The following AHR variants were observed in gnomAD, a reference collection of about 807,000 sequenced individuals.
The protein encoded by AHR is AH-receptor.
AHR carries 40 observed loss-of-function variants against 86.8 expected under a neutral mutation model. That is an observed-to-expected ratio of 0.46 (90% CI 0.36 to 0.60). The LOEUF (loss-of-function observed/expected upper bound fraction) is 0.60, where lower values mean the gene tolerates loss of function less well. Among genes scored for constraint, AHR ranks in the 20% least tolerant of loss-of-function variants. AHR has a pLI of 0.00. For synonymous variants in AHR, 398 were observed against 354.9 expected (o/e 1.12, Z -1.37); for missense variants, 1,001 against 1,011.6 (o/e 0.99, Z 0.14).
At chr7:17,303,556 T>A (rs1430938463) in intron 1 of AHR, among the ~76,000 whole-genome samples, 1 of 152,128 alleles carries the variant, frequency 6.6e-6, no homozygotes, top group Non-Finnish European at 1.5e-5. Context: ...TCTTATTGAT[T>A]TGCTACCCAC....
rs1451960213 is a variant in AHR at position 17,340,127 on chromosome 7, G to T, written c.2302G>T (p.Ala768Ser). ...IITPQTCYAG[A>S]VSMYQCQPEP... ...AACTCCTCAGACATGTTATGCTGGG[G>T]CCGTGTCGATGTATCAGTGCCAGCC... The change falls in exon 10 of 11, where the codon GCC (alanine) becomes TCC (serine). Residue 768 changes from alanine (A) to serine (S), a missense_variant. By Grantham distance (99) the Ala-to-Ser change is moderately conservative (BLOSUM62 1). Transcript: ENST00000242057. 11 of 1,614,002 alleles carry T rather than the reference G, an allele frequency of 6.8e-6. No homozygotes were observed. The highest frequency in any genetic ancestry group is 1.3e-5 in the African/African-American group (1 of 74,886).
chr7:17,311,980 A>G (rs1782069713), intron 2 of AHR, among the ~76,000 whole-genome samples: 1 of 152,182 alleles, frequency 6.6e-6, no homozygotes, highest in Non-Finnish European at 1.5e-5. Flanking sequence ...CATCAGCATC[A>G]CCTGGGAACT....
chr7:17,338,868 G>T, intron 9 of AHR, 118 bp from the exon 10 acceptor site: 2 of 996,548 alleles, frequency 2.0e-6, no homozygotes, highest in South Asian at 4.5e-5. Context: ...AATAAAATAT[G>T]TCCCTTTCTG....
At chr7:17,299,562 C>T (rs1342698069) in intron 1 of AHR, among the ~76,000 whole-genome samples, 3 of 152,242 alleles carry the variant, frequency 2.0e-5, no homozygotes, top group Admixed American at 6.5e-5. Flanking sequence ...TTCCCCCGCA[C>T]CAGTGCATAC....
rs969820594 is a variant in AHR, at chr7:17,298,900, A to T, written c.-365A>T. 5 of 404,148 alleles carry T rather than the reference A, an allele frequency of 1.2e-5. No individual in the cohort carries two copies. Among genetic ancestry groups the T allele is most frequent in the African/African-American group, 1.0e-4 (5 of 48,262 alleles). 25.0% of individuals were successfully genotyped at this position (404,148 alleles called of 1,614,324 possible). The stretch of plus-strand genomic sequence containing the variant: ...GGCGCCACCGTGAGCGACCCAGGCC[A>T]GGATTCTAAATAGACGGCCCAGGCT... On this transcript the variant is annotated 5_prime_UTR_variant, in exon 1 of 11. Transcript: ENST00000242057.
At chr7:17,305,635 C>T (rs1781997887) in intron 1 of AHR, among the ~76,000 whole-genome samples, 1 of 152,010 alleles carries the variant, frequency 6.6e-6, no homozygotes, top group Admixed American at 6.6e-5. Flanking sequence ...AGGAAAAATC[C>T]GATAGAGCAA....
intron 3 of AHR, among the ~76,000 whole-genome samples, chr7:17,325,330 A>T (rs1210928188): frequency 6.6e-6 from 1 of 152,204 alleles, no homozygotes; most frequent in East Asian, 1.9e-4. Context: ...TCTGGCATGT[A>T]CACCAATGAG....
chr7:17,312,404 T>G (rs1188860335), intron 2 of AHR, among the ~76,000 whole-genome samples: 1 of 152,208 alleles, frequency 6.6e-6, no homozygotes, highest in East Asian at 1.9e-4. Flanking sequence ...TTAGAAGTAG[T>G]ACATATGTGT....
intron 3 of AHR, among the ~76,000 whole-genome samples, chr7:17,323,398 C>A (rs1030910749): frequency 3.3e-5 from 5 of 152,084 alleles, no homozygotes; most frequent in Non-Finnish European, 7.4e-5. Flanking sequence ...CAACTCCAAT[C>A]CCTATTTTTA....
At chr7:17,324,527 G>T (rs1053513015) in intron 3 of AHR, among the ~76,000 whole-genome samples, 1 of 152,188 alleles carries the variant, frequency 6.6e-6, no homozygotes, top group Admixed American at 6.5e-5. Flanking sequence ...TAAAGGCCAG[G>T]TGCGGTGGCT....
rs553287734 is a variant in AHR, at chr7:17,339,129, C to G, written c.1304C>G (p.Thr435Ser). ...TTACCACTAAGGACTAAAAATGGCA[C>G]TAGTGGAAAAGACTCTGCTACCACA... The part of the protein sequence containing the change: ...DPLPLRTKNG[T>S]SGKDSATTST... The change falls in exon 10 of 11, where the codon ACT (threonine) becomes AGT (serine). Residue 435 changes from threonine to serine, a missense_variant. By Grantham distance (58) the Thr-to-Ser change is moderately conservative. Transcript: ENST00000242057. 3 of 1,614,144 alleles carry G rather than the reference C, an allele frequency of 1.9e-6. No individual in the cohort carries two copies. The highest frequency in any genetic ancestry group is 2.2e-5 in the South Asian group (2 of 91,074).
chr7:17,334,310 T>C (rs578104098), intron 7 of AHR, among the ~76,000 whole-genome samples, 196 bp downstream of exon 7: 1 of 152,184 alleles, frequency 6.6e-6, no homozygotes, highest in South Asian at 2.1e-4. Flanking sequence ...ATTTTTGCAA[T>C]ACTTGTCTCA....
chr7:17,332,132 C>T lies in AHR; in HGVS notation c.705+1246C>T, dbSNP rs577861339. On this transcript the variant is annotated intron_variant, in intron 6 of 10. Transcript: ENST00000242057. ...ATCACTTAATGATGTCATAGCATTG[C>T]TCACATGTTGATGGTGATGCTGATG... Among the ~76,000 whole-genome samples, 33 of 151,972 alleles carry T rather than the reference C, an allele frequency of 2.2e-4. No homozygotes were observed. The South Asian group carries it at 3.3e-3, about 15-fold the overall frequency.
Position 17,327,464 on chromosome 7 carries a change from A to T in AHR, c.361-295A>T, listed in dbSNP as rs543948774. ...GTGAATGATGTCTAGTTTGTTTTTT[A>T]AAAAATATATACAATATATTTAAAA... On this transcript the variant is annotated intron_variant, in intron 3 of 10. Coordinates refer to ENST00000242057, the MANE Select transcript of AHR (RefSeq NM_001621.5). Among the ~76,000 whole-genome samples, 57 of 152,078 alleles carry T rather than the reference A, an allele frequency of 3.7e-4. 1 individual carries two copies. Among genetic ancestry groups the T allele is most frequent in the African/African-American group, 1.2e-3 (49 of 41,558 alleles).
At position 17,346,021 on chromosome 7, in the gene AHR, T is replaced by C. The variant is rs1267336823; in HGVS notation, c.*2957T>C. 2.0e-5 allele frequency: 3 copies of C among 152,768 alleles called. No homozygotes were observed. The highest frequency in any genetic ancestry group is 2.9e-5 in the Non-Finnish European group (2 of 68,020). 9.5% of individuals were successfully genotyped at this position (152,768 alleles called of 1,614,324 possible). The stretch of plus-strand genomic sequence containing the variant: ...ACTAAATTTTAGGTAAATGCTTTCA[T>C]GGCTTTTTTCTTCAAAATGTTACTG... On this transcript the variant is annotated 3_prime_UTR_variant, in exon 11 of 11. Coordinates refer to ENST00000242057, the MANE Select transcript of AHR (RefSeq NM_001621.5).
chr7:17,332,013 TAG>T (rs930456840), intron 6 of AHR, among the ~76,000 whole-genome samples: 9 of 151,952 alleles, frequency 5.9e-5, no homozygotes, highest in Non-Finnish European at 1.2e-4. Context: ...AATTAGTATG[TAG>T]AGTCATGTCC....
intron 2 of AHR, among the ~76,000 whole-genome samples, chr7:17,319,388 A>G (rs545175279): frequency 3.9e-5 from 6 of 152,234 alleles, no homozygotes; most frequent in South Asian, 4.1e-4. Flanking sequence ...GCGGTGGCTA[A>G]TAATAGCTCA....
chr7:17,318,151 T>G (rs1782134923), intron 2 of AHR, among the ~76,000 whole-genome samples: 2 of 152,166 alleles, frequency 1.3e-5, no homozygotes, highest in Non-Finnish European at 2.9e-5. Flanking sequence ...ATCATCTTTC[T>G]GTTTAAATGC....
Position 17,310,056 on chromosome 7 carries a change from T to C in AHR, c.186T>C (p.Asn62=), listed in dbSNP as rs1782046330. The C allele has an allele frequency of 6.2e-7, 1 of 1,613,962 alleles. No individual in the cohort carries two copies. The highest frequency in any genetic ancestry group is 1.1e-5 in the South Asian group (1 of 91,086). The part of the protein sequence containing the change: ...SLLPFPQDVI[N]KLDKLSVLRL... ...TGCCTTTCCCACAAGATGTTATTAA[T>C]AAGTTGGACAAACTTTCAGTTCTTA... is the stretch of plus-strand genomic sequence containing the variant. Residue 62 remains asparagine (N), a synonymous_variant, in exon 2 of 11, where the codon AAT becomes AAC. Transcript: ENST00000242057.
Sources: allele counts gnomAD v4.1 joint callset (sites outside exome capture counted in the v4.1 genomes callset), GRCh38; gene constraint gnomAD v4.1.1; transcripts MANE v1.5; gene names NCBI Gene and HGNC (gene_info 2026-07-23, HGNC 2026-07-21).